Variants in SDK1 observed in about 807,000 individuals in gnomAD.
The protein encoded by SDK1 is sidekick cell adhesion molecule 1.
SDK1 carries 157 observed loss-of-function variants against 245.5 expected under a neutral mutation model. The ratio of observed to expected loss-of-function variants is 0.64; its 90% CI spans 0.56 to 0.73. The LOEUF is 0.73. Ranked by LOEUF, SDK1 falls within the 30% of genes least tolerant of loss-of-function variation. The pLI, the probability that SDK1 is intolerant of heterozygous loss-of-function variation, is 0.00. For synonymous variants in SDK1, 1,647 were observed against 1,278.5 expected, an observed-to-expected ratio of 1.29 and a Z score of -6.15; for missense variants, 3,583 against 3,002.3, an observed-to-expected ratio of 1.19 and a Z score of -4.52.
At chr7:4,195,431 C>G (rs1322591301) in intron 35 of SDK1, among the ~76,000 whole-genome samples, 1 of 152,100 alleles carries the variant, frequency 6.6e-6, no homozygotes, top group African/African-American at 2.4e-5. Flanking sequence ...TCAGCTTTTC[C>G]CCGTCCCTCC....
intron 34 of SDK1, 70 bp from the exon 35 acceptor site, chr7:4,178,415 T>C (rs1386587340): frequency 4.3e-6 from 5 of 1,150,938 alleles, no homozygotes; most frequent in African/African-American, 3.0e-5. Flanking sequence ...TTGTGGTTCA[T>C]AGGGGGAACT....
intron 14 of SDK1, among the ~76,000 whole-genome samples, chr7:3,991,465 C>T (rs1207939338): frequency 1.3e-5 from 2 of 152,196 alleles, no homozygotes; most frequent in Non-Finnish European, 2.9e-5. Context: ...TGTCCATCTC[C>T]TGGCAAGACT....
Position 3,971,453 on chromosome 7 carries a change from G to C in SDK1, c.1715-13G>C, listed in dbSNP as rs1245818965. On this transcript the variant is annotated splice_polypyrimidine_tract_variant and intron_variant, in intron 11 of 44. Coordinates refer to ENST00000404826, the MANE Select transcript of SDK1 (RefSeq NM_152744.4). The stretch of plus-strand genomic sequence containing the variant: ...TGTCATTTCGTCTGACTCGTGACTT[G>C]TGTTTTTTTCAGATCGGACGTCCAT... The C allele has an allele frequency of 1.3e-6, 2 of 1,593,466 alleles. No homozygotes were observed. Among genetic ancestry groups the C allele is most frequent in the African/African-American group, 2.7e-5 (2 of 74,616 alleles).
At chr7:3,898,258 A>T (rs1056385733) in intron 5 of SDK1, among the ~76,000 whole-genome samples, 3 of 152,130 alleles carry the variant, frequency 2.0e-5, no homozygotes, top group African/African-American at 7.2e-5. Flanking sequence ...TTGACCTGAA[A>T]CCTGAGAGTC....
intron 1 of SDK1, among the ~76,000 whole-genome samples, chr7:3,588,413 A>G (rs1444220723): frequency 6.6e-6 from 1 of 152,244 alleles, no homozygotes; most frequent in African/African-American, 2.4e-5. Context: ...CAGATTAGAA[A>G]CAAAAAACAA....
intron 44 of SDK1, among the ~76,000 whole-genome samples, chr7:4,251,410 G>A (rs1438768707): frequency 6.6e-6 from 1 of 152,184 alleles, no homozygotes; most frequent in African/African-American, 2.4e-5. Flanking sequence ...TCCTATAGAG[G>A]CACACAGAAC....
chr7:4,113,751 A>G (rs1351726772), intron 24 of SDK1, among the ~76,000 whole-genome samples: 2 of 152,214 alleles, frequency 1.3e-5, no homozygotes, highest in Non-Finnish European at 2.9e-5. Flanking sequence ...ACCAATACTC[A>G]ATATTTGTAA....
chr7:3,589,876 G>A (rs185560177), intron 1 of SDK1, among the ~76,000 whole-genome samples: 1 of 152,164 alleles, frequency 6.6e-6, no homozygotes, highest in Non-Finnish European at 1.5e-5. Flanking sequence ...ATAATACCCA[G>A]ACTGTGAGGA....
chr7:3,839,639 C>A (rs765681141), intron 5 of SDK1, among the ~76,000 whole-genome samples: 3 of 152,068 alleles, frequency 2.0e-5, no homozygotes, highest in Non-Finnish European at 4.4e-5. Flanking sequence ...GAAGTAATAT[C>A]CATCCATGAA....
chr7:3,891,738 C>T lies in SDK1; in HGVS notation c.848-59185C>T, dbSNP rs550820970. On this transcript the variant is annotated intron_variant, in intron 5 of 44. Coordinates refer to ENST00000404826, the MANE Select transcript of SDK1 (RefSeq NM_152744.4). ...TTGATAATCCAACTAAAGGTTTCGG[C>T]GCAAGAGCCAATGATTGCATCTTTG... 7.9e-5 allele frequency among the ~76,000 whole-genome samples: 12 copies of T among 152,212 alleles called. No homozygotes were observed. In the East Asian group the frequency reaches 1.2e-3, roughly 15 times the overall value.
chr7:4,084,894 CT>C (rs1487007668), intron 22 of SDK1, among the ~76,000 whole-genome samples: 4 of 152,066 alleles, frequency 2.6e-5, no homozygotes, highest in Admixed American at 2.0e-4. Flanking sequence ...TCCTGAGTAG[CT>C]GGGATTACAG....
At chr7:4,243,780 C>T (rs1490969931) in intron 43 of SDK1, among the ~76,000 whole-genome samples, 1 of 152,106 alleles carries the variant, frequency 6.6e-6, no homozygotes, top group Non-Finnish European at 1.5e-5. Flanking sequence ...CATATCAGAC[C>T]CCACATGTGA....
chr7:3,983,679 A>G lies in SDK1; in HGVS notation c.1995-3507A>G, dbSNP rs548588797. 7.5e-4 allele frequency among the ~76,000 whole-genome samples: 114 copies of G among 152,338 alleles called. 1 individual carries two copies. Among genetic ancestry groups the G allele is most frequent in the Admixed American group, 6.9e-3 (106 of 15,294 alleles). ...CAGTATCTCTGAGACATGCCTCTCTATCACAAGGCCCTTCACATTATGAAA... is the reference window on the plus strand; with the variant it reads ...CAGTATCTCTGAGACATGCCTCTCTGTCACAAGGCCCTTCACATTATGAAA... On this transcript the variant is annotated intron_variant, in intron 13 of 44. Coordinates refer to ENST00000404826, the MANE Select transcript of SDK1 (RefSeq NM_152744.4).
At chr7:4,173,787 C>T (rs1428318545) in intron 32 of SDK1, among the ~76,000 whole-genome samples, 1 of 152,172 alleles carries the variant, frequency 6.6e-6, no homozygotes, top group Non-Finnish European at 1.5e-5. Flanking sequence ...AGTACGGCAG[C>T]CACAGCCTGG....
At chr7:3,524,548 G>A (rs983553228) in intron 1 of SDK1, among the ~76,000 whole-genome samples, 2 of 152,048 alleles carry the variant, frequency 1.3e-5, no homozygotes, top group Non-Finnish European at 1.5e-5. Flanking sequence ...GTATGTGCGC[G>A]CTCATGTACA....
intron 4 of SDK1, among the ~76,000 whole-genome samples, chr7:3,804,031 TG>T (rs1045533903): frequency 7.1e-4 from 108 of 152,334 alleles, no homozygotes; most frequent in African/African-American, 2.4e-3. Flanking sequence ...CCCAAAGTGC[TG>T]GGATTACAGG....
At chr7:3,777,085 C>T (rs1780588662) in intron 4 of SDK1, among the ~76,000 whole-genome samples, 1 of 152,184 alleles carries the variant, frequency 6.6e-6, no homozygotes, top group Non-Finnish European at 1.5e-5. Flanking sequence ...TATTTTGTAA[C>T]TCATTCTTTC....
intron 5 of SDK1, among the ~76,000 whole-genome samples, chr7:3,866,621 G>A (rs1161322487): frequency 1.3e-5 from 2 of 152,146 alleles, no homozygotes; most frequent in Non-Finnish European, 2.9e-5. Context: ...GCAATTCCAC[G>A]GAGGTCGTGG....
At chr7:3,945,193 T>C (rs183942206) in intron 5 of SDK1, among the ~76,000 whole-genome samples, 1 of 152,202 alleles carries the variant, frequency 6.6e-6, no homozygotes, top group Non-Finnish European at 1.5e-5. Context: ...AAAAGGTAGA[T>C]GAACAGACAA....
Sources: gnomAD v4.1 joint callset for allele counts (sites outside exome capture counted in the v4.1 genomes callset) on GRCh38, gnomAD v4.1.1 for gene constraint, MANE v1.5 for transcripts, NCBI Gene and HGNC (gene_info 2026-07-23, HGNC 2026-07-21) for gene names.